Variants in NRXN2 observed in about 807,000 individuals in gnomAD.
NRXN2 encodes the protein neurexin-2-beta.
NRXN2 carries 29 observed loss-of-function variants against 128.8 expected under a neutral mutation model. The observed-to-expected ratio is 0.23, with a 90% CI of 0.17 to 0.31. The LOEUF (loss-of-function observed/expected upper bound fraction) is 0.31, where lower values mean the gene tolerates loss of function less well. Ranked by LOEUF, NRXN2 falls within the 10% of genes least tolerant of loss-of-function variation. NRXN2 has a pLI of 1.00. For synonymous variants in NRXN2, 1,098 were observed against 1,075.2 expected (o/e 1.02, Z -0.41); for missense variants, 1,881 against 2,452.6 (o/e 0.77, Z 4.92).
intron 2 of NRXN2, among the ~76,000 whole-genome samples, chr11:64,700,254 T>C (rs1313800885): frequency 6.6e-6 from 1 of 152,166 alleles, no homozygotes; most frequent in Non-Finnish European, 1.5e-5. Flanking sequence ...TGTATCACCA[T>C]GTGTCCACCC....
Position 64,648,428 on chromosome 11 carries a change from G to A in NRXN2, c.3284-90C>T, listed in dbSNP as rs1173252303. The A allele has an allele frequency of 6.3e-7, 1 of 1,593,168 alleles. No homozygotes were observed. Among genetic ancestry groups the A allele is most frequent in the Non-Finnish European group, 8.6e-7 (1 of 1,164,074 alleles). The stretch of plus-strand genomic sequence containing the variant: ...TGGAAGCTTCAGAGCCAGGCAGAGA[G>A]GTCCTACTCTGAGCTCTGCCTGGCT... On this transcript the variant is annotated intron_variant, in intron 16 of 22. Coordinates refer to ENST00000265459, the MANE Select transcript of NRXN2 (RefSeq NM_015080.4). This position sits in a 1 kb window ranked among gnomAD's most constrained non-coding sequence, Gnocchi z 4.1.
intron 2 of NRXN2, among the ~76,000 whole-genome samples, chr11:64,710,925 GA>G (rs1238997949): frequency 6.6e-6 from 1 of 152,174 alleles, no homozygotes; most frequent in Non-Finnish European, 1.5e-5. Context: ...CACAGTTTAG[GA>G]AACAGCTGAA....
chr11:64,670,174 G>A (rs2050439332), intron 7 of NRXN2, among the ~76,000 whole-genome samples: 1 of 152,022 alleles, frequency 6.6e-6, no homozygotes, highest in South Asian at 2.1e-4. Flanking sequence ...CACCTCCTGG[G>A]AACCATCAAA....
intron 1 of NRXN2, among the ~76,000 whole-genome samples, chr11:64,716,586 G>A (rs1357462103): frequency 6.6e-6 from 1 of 152,164 alleles, no homozygotes; most frequent in Non-Finnish European, 1.5e-5. Context: ...AGGCTTCTGT[G>A]AGCCGGTTCA....
intron 6 of NRXN2, 68 bp downstream of exon 6, chr11:64,685,577 GC>G: frequency 6.3e-7 from 1 of 1,597,256 alleles, no homozygotes; most frequent in Non-Finnish European, 8.6e-7. Context: ...GCTCCCGGCA[GC>G]CCCCTCTCCC....
At chr11:64,653,450 C>G (rs1378413333) in intron 12 of NRXN2, among the ~76,000 whole-genome samples, 15 of 152,108 alleles carry the variant, frequency 9.9e-5, no homozygotes, top group Admixed American at 9.2e-4. Context: ...CCTTCCTAGA[C>G]CCAGTGAACA....
intron 1 of NRXN2, among the ~76,000 whole-genome samples, chr11:64,715,475 G>C (rs521793): frequency 0.73 from 111,562 of 152,074 alleles, 43,312 homozygotes; most frequent in Middle Eastern, 0.92. Context: ...GAGGTGCAGT[G>C]AGGAGCTGAA....
chr11:64,621,402 G>A (rs1176711309), intron 21 of NRXN2, among the ~76,000 whole-genome samples: 1 of 152,136 alleles, frequency 6.6e-6, no homozygotes, highest in Non-Finnish European at 1.5e-5. Flanking sequence ...CCAGCCTTGG[G>A]TAGAGCCCAG....
intron 3 of NRXN2, 133 bp downstream of exon 3, chr11:64,697,642 C>G (rs1379151428): frequency 9.6e-7 from 1 of 1,040,790 alleles, no homozygotes; most frequent in African/African-American, 1.6e-5. Context: ...AAGGGAGGAC[C>G]CCAGACATCC....
In NRXN2 at chr11:64,630,436, C is replaced by T. The variant is rs1328061690; in HGVS notation, c.3723G>A (p.Val1241=). 4.3e-6 allele frequency: 7 copies of T among 1,613,298 alleles called. No individual in the cohort carries two copies. The highest frequency in any genetic ancestry group is 5.9e-6 in the Non-Finnish European group (7 of 1,179,860). Residue 1241 remains valine (V), a synonymous_variant, in exon 19 of 23, where the codon GTG becomes GTA. Transcript: ENST00000265459. This position sits in a 1 kb window ranked among gnomAD's most constrained non-coding sequence, Gnocchi z 4.6. ...TRSGGNATLQ[V]DSWPVNERYP... ...ACCGCTCGTTGACCGGCCAGCTGTCCACCTGCAGGGTGGCGTTGCCGCCGC... is the reference window on the plus strand; with the variant it reads ...ACCGCTCGTTGACCGGCCAGCTGTCTACCTGCAGGGTGGCGTTGCCGCCGC...
At chr11:64,677,906 G>C (rs953837584) in intron 6 of NRXN2, among the ~76,000 whole-genome samples, 1 of 152,202 alleles carries the variant, frequency 6.6e-6, no homozygotes, top group Non-Finnish European at 1.5e-5. Context: ...TGGCTATCAG[G>C]CTGGGAGAAG....
intron 2 of NRXN2, among the ~76,000 whole-genome samples, chr11:64,709,064 C>T (rs1483696083): frequency 6.6e-6 from 1 of 151,562 alleles, no homozygotes; most frequent in Non-Finnish European, 1.5e-5. Context: ...TAGTGGCGGG[C>T]GCCTGTAATC....
At chr11:64,682,834 G>A (rs1468523344) in intron 6 of NRXN2, among the ~76,000 whole-genome samples, 1 of 152,196 alleles carries the variant, frequency 6.6e-6, no homozygotes, top group Non-Finnish European at 1.5e-5. Context: ...TCTGGTCACA[G>A]TGACCTCAAG....
intron 12 of NRXN2, among the ~76,000 whole-genome samples, chr11:64,653,270 T>C: frequency 6.6e-6 from 1 of 151,938 alleles, no homozygotes; most frequent in Non-Finnish European, 1.5e-5. Flanking sequence ...TCCCTCGCCT[T>C]CCCCCTTGTG....
Position 64,635,253 on chromosome 11 carries a change from G to C in NRXN2, c.3585+18C>G. The C allele has an allele frequency of 1.2e-6, 2 of 1,611,418 alleles. No homozygotes were observed. Among genetic ancestry groups the C allele is most frequent in the Non-Finnish European group, 1.7e-6 (2 of 1,179,760 alleles). On this transcript the variant is annotated intron_variant, in intron 18 of 22. Transcript: ENST00000265459. The surrounding 1 kb of genome is among the most constrained non-coding windows in gnomAD (Gnocchi z 4.8). Reference sequence around the variant, plus strand: ...GCAGGAAGCTTGAGGTTGAAGGGTTGGGGCCCAGGGTCCTTACGATGTGCA... The same window carrying C: ...GCAGGAAGCTTGAGGTTGAAGGGTTCGGGCCCAGGGTCCTTACGATGTGCA...
At position 64,631,745 on chromosome 11, in the gene NRXN2, G is replaced by A. The variant is rs1177425975; in HGVS notation, c.3586-1172C>T. ...GACCCTGACTCAAGGAGGTGGGGGTGTGGGATGATCCAAGAGGCTGCTGAG... is the reference window on the plus strand; with the variant it reads ...GACCCTGACTCAAGGAGGTGGGGGTATGGGATGATCCAAGAGGCTGCTGAG... On this transcript the variant is annotated intron_variant, in intron 18 of 22. Coordinates refer to ENST00000265459, the MANE Select transcript of NRXN2 (RefSeq NM_015080.4). This position sits in a 1 kb window ranked among gnomAD's most constrained non-coding sequence, Gnocchi z 4.8. Among the ~76,000 whole-genome samples, 1 of 152,130 alleles carries A rather than the reference G, an allele frequency of 6.6e-6. No individual in the cohort carries two copies. Among genetic ancestry groups the A allele is most frequent in the Admixed American group, 6.5e-5 (1 of 15,288 alleles).
rs1442718795 is a variant in NRXN2, at chr11:64,685,843, G to A, written c.955C>T (p.Arg319Cys). 1.9e-6 allele frequency: 3 copies of A among 1,614,110 alleles called. No individual in the cohort carries two copies. The highest frequency in any genetic ancestry group is 1.3e-5 in the African/African-American group (1 of 74,928). The part of the protein sequence containing the change: ...SSTDEITLAF[R>C]TLQRNGLMLH... ...ATCAGGCCGTTGCGTTGCAGGGTGCGGAAGGCCAGTGTGATCTCATCAGTG... is the reference window on the plus strand; with the variant it reads ...ATCAGGCCGTTGCGTTGCAGGGTGCAGAAGGCCAGTGTGATCTCATCAGTG... Residue 319 changes from arginine to cysteine, a missense_variant, in exon 6 of 23, where the codon CGC (arginine) becomes TGC (cysteine). This residue lies in a region of NRXN2 where 997 missense variants were observed against 1,240.8 expected (regional missense o/e 0.80). Transcript: ENST00000265459.
intron 17 of NRXN2, among the ~76,000 whole-genome samples, chr11:64,647,173 C>G (rs2046812151): frequency 6.6e-6 from 1 of 151,768 alleles, no homozygotes; most frequent in Non-Finnish European, 1.5e-5. Context: ...CCCTCTCCAG[C>G]CGTATTCCAT....
In NRXN2 at chr11:64,713,412, G is replaced by T. The variant is rs764029179; in HGVS notation, c.288C>A (p.Ala96=). 16 of 1,490,552 alleles carry T rather than the reference G, an allele frequency of 1.1e-5. No homozygotes were observed. The highest frequency in any genetic ancestry group is 1.3e-5 in the Non-Finnish European group (15 of 1,126,038). 92.3% of individuals were successfully genotyped at this position (1,490,552 alleles called of 1,614,324 possible). A position where few individuals can be genotyped will look rare whatever the true frequency, so the allele number is the denominator to read the frequency against. Residue 96 remains alanine (A), a synonymous_variant, in exon 2 of 23, where the codon GCC becomes GCA. Coordinates refer to ENST00000265459, the MANE Select transcript of NRXN2 (RefSeq NM_015080.4). ...RLRLRFTLSC[A]EPATLQLDTP... Reference sequence around the variant, plus strand: ...TGTCCAGCTGCAGCGTGGCCGGCTCGGCGCACGAAAGCGTGAAGCGCAGCC... The same window carrying T: ...TGTCCAGCTGCAGCGTGGCCGGCTCTGCGCACGAAAGCGTGAAGCGCAGCC...
Sources: gnomAD v4.1 joint callset for allele counts (sites outside exome capture counted in the v4.1 genomes callset) on GRCh38, gnomAD v4.1.1 for gene constraint, gnomAD v4.1.1 regional missense constraint, Gnocchi (gnomAD v3.1) non-coding constraint, MANE v1.5 for transcripts, NCBI Gene and HGNC (gene_info 2026-07-23, HGNC 2026-07-21) for gene names.